MAP3K13: variants seen among roughly 807,000 people sequenced by gnomAD.
MAP3K13 encodes the protein mitogen-activated protein kinase kinase kinase 13.
MAP3K13 carries 52 observed loss-of-function variants against 104.0 expected under a neutral mutation model. The ratio of observed to expected loss-of-function variants is 0.50; its 90% confidence interval spans 0.40 to 0.63. The LOEUF (loss-of-function observed/expected upper bound fraction) is 0.63, where lower values mean the gene tolerates loss of function less well. MAP3K13 is among the 20% of genes least tolerant of loss of function. MAP3K13 has a pLI of 0.00. For synonymous variants in MAP3K13, 394 were observed against 442.2 expected, an observed-to-expected ratio of 0.89 and a Z score of 1.37; for missense variants, 914 against 1,218.5, an observed-to-expected ratio of 0.75 and a Z score of 3.72.
At chr3:185,398,225 C>T (rs1712541406) in intron 1 of MAP3K13, among the ~76,000 whole-genome samples, 1 of 152,048 alleles carries the variant, frequency 6.6e-6, no homozygotes, top group African/African-American at 2.4e-5. Flanking sequence ...GAAAGGGAAC[C>T]TGATACTGTC....
rs1038465062 is a variant in MAP3K13, at chr3:185,450,182, C to T, written c.1169+124C>T. The T allele has an allele frequency of 1.2e-5, 10 of 809,996 alleles. No individual in the cohort carries two copies. The African/African-American group carries it at 1.6e-4, about 13-fold the overall frequency. 50.2% of individuals were successfully genotyped at this position (809,996 alleles called of 1,614,324 possible). On this transcript the variant is annotated intron_variant, in intron 6 of 13. Coordinates refer to ENST00000265026, the MANE Select transcript of MAP3K13 (RefSeq NM_004721.5). This position sits in a 1 kb window ranked among gnomAD's most constrained non-coding sequence, Gnocchi z 4.2. The stretch of plus-strand genomic sequence containing the variant: ...TCTTGGGTTCAAATACTAGCTCTGC[C>T]CCTTTCTATCTGTGCAATTTTGGGC...
chr3:185,400,871 C>T (rs1477801437), intron 1 of MAP3K13, among the ~76,000 whole-genome samples: 3 of 120,298 alleles, frequency 2.5e-5, no homozygotes, highest in African/African-American at 3.1e-5. Flanking sequence ...TGCACTGTTT[C>T]TCTTCTTATT....
chr3:185,397,802 G>A (rs1393147535), intron 1 of MAP3K13, among the ~76,000 whole-genome samples: 2 of 152,042 alleles, frequency 1.3e-5, no homozygotes, highest in East Asian at 1.9e-4. Context: ...GGGGTGGACC[G>A]GAGCCAGGGG....
intron 10 of MAP3K13, among the ~76,000 whole-genome samples, chr3:185,467,176 T>C (rs1279353087): frequency 6.6e-6 from 1 of 152,190 alleles, no homozygotes; most frequent in East Asian, 1.9e-4. Context: ...ATATTTATTG[T>C]CTTAGCATGG....
intron 1 of MAP3K13, among the ~76,000 whole-genome samples, chr3:185,417,308 A>C (rs1192606306): frequency 1.3e-5 from 2 of 152,218 alleles, no homozygotes; most frequent in Admixed American, 1.3e-4. Flanking sequence ...CCTAAATGCA[A>C]GAGTTTTGAT....
chr3:185,441,859 T>C (rs1032667854), intron 3 of MAP3K13, among the ~76,000 whole-genome samples: 2 of 152,050 alleles, frequency 1.3e-5, no homozygotes, highest in Non-Finnish European at 2.9e-5. Context: ...CTGACCAATA[T>C]GGTGAAACCC....
rs1198564765 is a variant in MAP3K13, at chr3:185,315,976, A to G, written c.-86+30333A>G. Among the ~76,000 whole-genome samples, 1 of 152,220 alleles carries G rather than the reference A, an allele frequency of 6.6e-6. No individual in the cohort carries two copies. Among genetic ancestry groups the G allele is most frequent in the Non-Finnish European group, 1.5e-5 (1 of 68,034 alleles). On this transcript the variant is annotated intron_variant, in intron 2 of 14. Coordinates refer to the MAP3K13 transcript ENST00000424227. The surrounding 1 kb of genome is among the most constrained non-coding windows in gnomAD (Gnocchi z 4.3). ...AGAAAGCCCTGAACAGAAAGGCAAT[A>G]TATTTTTGCTTACTTATAAAAATGA...
intron 4 of MAP3K13, among the ~76,000 whole-genome samples, chr3:185,446,412 C>T (rs1306971932): frequency 6.6e-6 from 1 of 152,042 alleles, no homozygotes; most frequent in Non-Finnish European, 1.5e-5. Flanking sequence ...CCCGCCACCA[C>T]GCTCGTAAGC....
At chr3:185,391,078 C>T (rs1712025290) in intron 1 of MAP3K13, among the ~76,000 whole-genome samples, 2 of 152,118 alleles carry the variant, frequency 1.3e-5, no homozygotes, top group Admixed American at 1.3e-4. Context: ...CATAGCATAA[C>T]ATTTACAGTT....
At chr3:185,455,834 T>TATATATATGAG (rs1347984172) in intron 7 of MAP3K13, among the ~76,000 whole-genome samples, 19 of 10,108 alleles carry the variant, frequency 1.9e-3, no homozygotes, top group African/African-American at 2.7e-3. Flanking sequence ...ATATATGAGA[T>TATATATATGAG]ATATATATGA....
Position 185,413,254 on chromosome 3 carries a change from A to G in MAP3K13, c.-85-15243A>G, listed in dbSNP as rs1448364106. On this transcript the variant is annotated intron_variant, in intron 1 of 13. Coordinates refer to ENST00000265026, the MANE Select transcript of MAP3K13 (RefSeq NM_004721.5). ...ATCCCCATGTACGAAGGGAGCCACA[A>G]TGTTGGTTAATCCTTACAACAGACC... 2.7e-4 allele frequency among the ~76,000 whole-genome samples: 41 copies of G among 152,196 alleles called. 1 individual carries two copies. The highest frequency in any genetic ancestry group is 2.6e-3 in the Admixed American group (40 of 15,278).
At chr3:185,422,768 G>T (rs1002190923) in intron 1 of MAP3K13, among the ~76,000 whole-genome samples, 10 of 152,216 alleles carry the variant, frequency 6.6e-5, no homozygotes, top group African/African-American at 2.4e-4. Context: ...GTGCTGTATA[G>T]CAGGGGTTCC....
intron 2 of MAP3K13, among the ~76,000 whole-genome samples, chr3:185,296,358 C>G (rs1346592684): frequency 6.6e-6 from 1 of 152,230 alleles, no homozygotes; most frequent in Non-Finnish European, 1.5e-5. Context: ...CTCCTTACCT[C>G]TCTACCATCT....
Position 185,488,875 on chromosome 3 carries a change from T to C in MAP3K13, c.*6419T>C, listed in dbSNP as rs1460169009. The C allele has an allele frequency of 2.6e-5, 4 of 152,236 alleles. No homozygotes were observed. The highest frequency in any genetic ancestry group is 9.7e-5 in the African/African-American group (4 of 41,446). The allele number at this position is 152,236 out of a possible 1,614,324, so 9.4% of individuals were successfully genotyped here. On this transcript the variant is annotated 3_prime_UTR_variant, in exon 14 of 14. Coordinates refer to ENST00000265026, the MANE Select transcript of MAP3K13 (RefSeq NM_004721.5). ...CTCTTTGACGCTTTATTACAGTAAT[T>C]TGAGCTCCTATCGACTTGGAGCGAA...
intron 1 of MAP3K13, among the ~76,000 whole-genome samples, chr3:185,428,241 T>C (rs1714541140): frequency 6.6e-6 from 1 of 152,202 alleles, no homozygotes; most frequent in African/African-American, 2.4e-5. Flanking sequence ...TATGTCCTTT[T>C]AAATAAATTT....
chr3:185,286,348 T>C (rs1460370061), intron 2 of MAP3K13, among the ~76,000 whole-genome samples: 1 of 152,126 alleles, frequency 6.6e-6, no homozygotes, highest in East Asian at 1.9e-4. Context: ...TTTTTGCTGG[T>C]CTCCTTTGTA....
Position 185,450,967 on chromosome 3 carries a change from G to A in MAP3K13, c.1170-320G>A, listed in dbSNP as rs2148897441. ...TAGCCAGGTCTGGTGGCGGGTGCCT[G>A]TAGTCCCAGCTACTCAGGAGGCTGA... On this transcript the variant is annotated intron_variant, in intron 6 of 13. Transcript: ENST00000265026. The surrounding 1 kb of genome is among the most constrained non-coding windows in gnomAD (Gnocchi z 4.2). Among the ~76,000 whole-genome samples, 1 of 152,284 alleles carries A rather than the reference G, an allele frequency of 6.6e-6. No homozygotes were observed. Among genetic ancestry groups the A allele is most frequent in the South Asian group, 2.1e-4 (1 of 4,820 alleles).
At chr3:185,348,601 C>G (rs891911191) in intron 2 of MAP3K13, among the ~76,000 whole-genome samples, 1 of 152,088 alleles carries the variant, frequency 6.6e-6, no homozygotes, top group Admixed American at 6.6e-5. Flanking sequence ...GATATTCTGT[C>G]CCCTAGACCA....
rs557292755 is a variant in MAP3K13 at position 185,349,124 on chromosome 3, T to C, written c.-86+63481T>C. ...AATCAAAGGCTTCCATTTCTACTTATTCTTTTTTTTTTTTAATTTTAGATT... is the reference window on the plus strand; with the variant it reads ...AATCAAAGGCTTCCATTTCTACTTACTCTTTTTTTTTTTTAATTTTAGATT... On this transcript the variant is annotated intron_variant, in intron 2 of 14. Transcript: ENST00000424227. Among the ~76,000 whole-genome samples the C allele has an allele frequency of 1.1e-4, 17 of 151,996 alleles. No homozygotes were observed. In the East Asian group the frequency reaches 3.1e-3, roughly 28 times the overall value.
Sources: gnomAD v4.1 joint callset for allele counts (sites outside exome capture counted in the v4.1 genomes callset) on GRCh38, gnomAD v4.1.1 for gene constraint, Gnocchi (gnomAD v3.1) non-coding constraint, MANE v1.5 for transcripts, NCBI Gene and HGNC (gene_info 2026-07-23, HGNC 2026-07-21) for gene names.